The following ACAD11 variants were observed in gnomAD, a reference collection of about 807,000 sequenced individuals.
ACAD11 encodes the protein acyl-Coenzyme A dehydrogenase family, member 11.
In ACAD11, 83 loss-of-function variants were observed where a neutral mutation model predicts 102.2. The ratio of observed to expected loss-of-function variants is 0.81; its 90% confidence interval spans 0.68 to 0.97. ACAD11 has a LOEUF of 0.97. Among genes scored for constraint, ACAD11 ranks in the 50% least tolerant of loss-of-function variants. The pLI, the probability that ACAD11 is intolerant of heterozygous loss-of-function variation, is 0.00. For synonymous variants in ACAD11, 324 were observed against 319.8 expected, an observed-to-expected ratio of 1.01 and a Z score of -0.14; for missense variants, 901 against 951.7, an observed-to-expected ratio of 0.95 and a Z score of 0.70.
chr3:132,568,800 G>GAAAA (rs1937289174), intron 17 of ACAD11, among the ~76,000 whole-genome samples: 1 of 48,068 alleles, frequency 2.1e-5, no homozygotes, highest in African/African-American at 1.1e-4. Context: ...ACATCCACAG[G>GAAAA]CAAAAAAAAA....
At chr3:132,618,115 A>G (rs545042643) in intron 11 of ACAD11, 1 of 152,224 alleles carries the variant, frequency 6.6e-6, no homozygotes, top group South Asian at 2.1e-4. Flanking sequence ...TTTACTTATT[A>G]TAATTATTAT....
rs189622735 is a variant in ACAD11, at chr3:132,653,140, C to A, written c.149+6463G>T. On this transcript the variant is annotated intron_variant, in intron 1 of 19. Coordinates refer to ENST00000264990, the MANE Select transcript of ACAD11 (RefSeq NM_032169.5). Reference sequence around the variant, plus strand: ...ATCTATTCTTGCTTCAAATTCATGACCTCAGCAAACCTCAAAGTGAACCAC... The same window carrying A: ...ATCTATTCTTGCTTCAAATTCATGAACTCAGCAAACCTCAAAGTGAACCAC... Among the ~76,000 whole-genome samples, 221 of 152,258 alleles carry A rather than the reference C, an allele frequency of 1.5e-3. 2 individuals carry two copies. Among genetic ancestry groups the A allele is most frequent in the African/African-American group, 4.7e-3 (194 of 41,546 alleles).
intron 12 of ACAD11, 66 bp downstream of exon 12, chr3:132,605,032 T>A (rs1214294988): frequency 8.1e-7 from 1 of 1,233,550 alleles, no homozygotes; most frequent in Non-Finnish European, 1.2e-6. Flanking sequence ...CTGTATTTCT[T>A]CAGCTCATCC....
chr3:132,568,801 CAAAAAA>C (rs755568917), intron 17 of ACAD11, among the ~76,000 whole-genome samples: 10,745 of 67,656 alleles, frequency 0.16, 404 homozygotes, highest in East Asian at 0.46. Flanking sequence ...CATCCACAGG[CAAAAAA>C]AAAAAAAAAA....
chr3:132,603,458 G>T, intron 12 of ACAD11, 131 bp from the exon 13 acceptor site: 1 of 704,172 alleles, frequency 1.4e-6, no homozygotes, highest in Non-Finnish European at 2.4e-6. Flanking sequence ...ATTCCACCCT[G>T]CTTTTCCCAT....
chr3:132,611,114 A>C (rs144416879), intron 11 of ACAD11, among the ~76,000 whole-genome samples: 2,249 of 152,190 alleles, frequency 0.015, 66 homozygotes, highest in African/African-American at 0.052. Context: ...CAGAACCAAA[A>C]ACAAAAACCA....
intron 7 of ACAD11, among the ~76,000 whole-genome samples, chr3:132,629,639 G>A (rs1939957458): frequency 1.3e-5 from 2 of 152,180 alleles, no homozygotes; most frequent in African/African-American, 2.4e-5. Context: ...AAGATGAGAT[G>A]TAACACAACT....
At chr3:132,585,757 C>A (rs899598988) in intron 13 of ACAD11, among the ~76,000 whole-genome samples, 16 of 152,198 alleles carry the variant, frequency 1.1e-4, no homozygotes, top group Non-Finnish European at 2.1e-4. Flanking sequence ...TCATCACTGG[C>A]TATCAGAGAA....
intron 1 of ACAD11, among the ~76,000 whole-genome samples, chr3:132,650,717 C>T (rs1940897543): frequency 6.6e-6 from 1 of 152,034 alleles, no homozygotes; most frequent in Non-Finnish European, 1.5e-5. Context: ...GTAAGACTGT[C>T]CCTCCCCAGC....
At chr3:132,608,730 C>T (rs1234312682) in intron 11 of ACAD11, among the ~76,000 whole-genome samples, 5 of 152,080 alleles carry the variant, frequency 3.3e-5, no homozygotes, top group East Asian at 1.9e-4. Context: ...TCAGACAGGT[C>T]GACGAGACAG....
At chr3:132,641,557 T>TGAAGAAGAAGAA (rs1347083217) in intron 4 of ACAD11, among the ~76,000 whole-genome samples, 1 of 100,804 alleles carries the variant, frequency 9.9e-6, no homozygotes, top group Non-Finnish European at 1.9e-5. Flanking sequence ...ATGATGATGA[T>TGAAGAAGAAGAA]GATGAAGAAG....
chr3:132,618,701 A>AT lies in ACAD11; in HGVS notation c.1346dup (p.Tyr449Ter). 1 of 1,607,606 alleles carries AT rather than the reference A, an allele frequency of 6.2e-7. No homozygotes were observed. The highest frequency in any genetic ancestry group is 1.1e-5 in the South Asian group (1 of 90,102). Residue 449 changes from tyrosine (Y) to a stop codon, truncating the protein, a stop_gained and frameshift_variant, in exon 11 of 20, where the codon TAT becomes TAAT. Coordinates refer to ENST00000264990, the MANE Select transcript of ACAD11 (RefSeq NM_032169.5). LOFTEE classifies it high-confidence loss of function. ...TTCCTGTTTCTTCAGCAATCAAGGC[A>AT]TAGTCCACGTGGCTGAGTCCGCTGA... ...PAVSGLSHVD[Y>*]ALIAEETGKC... is the part of the protein sequence containing the mutation.
intron 13 of ACAD11, among the ~76,000 whole-genome samples, chr3:132,595,867 G>A (rs569577105): frequency 4.6e-5 from 7 of 151,836 alleles, no homozygotes; most frequent in Non-Finnish European, 8.9e-5. Flanking sequence ...AAACAGTGTG[G>A]CAATTCCTCA....
At chr3:132,612,470 T>G (rs1939200266) in intron 11 of ACAD11, among the ~76,000 whole-genome samples, 1 of 151,998 alleles carries the variant, frequency 6.6e-6, no homozygotes, top group African/African-American at 2.4e-5. Context: ...TATTGCAACC[T>G]ACTCATCTGA....
chr3:132,588,729 C>T (rs1937955058), intron 13 of ACAD11, among the ~76,000 whole-genome samples: 1 of 152,060 alleles, frequency 6.6e-6, no homozygotes, highest in African/African-American at 2.4e-5. Context: ...GAAAAGATCC[C>T]CCATTCACAT....
chr3:132,569,306 G>C (rs543205700), intron 17 of ACAD11, among the ~76,000 whole-genome samples: 7 of 152,198 alleles, frequency 4.6e-5, no homozygotes, highest in Admixed American at 3.3e-4. Flanking sequence ...CCATCAGAAT[G>C]GCTAAAATTA....
chr3:132,581,360 C>T (rs1475073858), intron 13 of ACAD11, among the ~76,000 whole-genome samples: 1 of 152,026 alleles, frequency 6.6e-6, no homozygotes, highest in African/African-American at 2.4e-5. Context: ...TAAGAATATA[C>T]TCGAGCAAAA....
intron 17 of ACAD11, among the ~76,000 whole-genome samples, chr3:132,564,218 A>G (rs1937146307): frequency 6.6e-6 from 1 of 152,104 alleles, no homozygotes. Flanking sequence ...TGGTTTTTGC[A>G]TCTATATTGG....
chr3:132,559,855 G>A lies in ACAD11; in HGVS notation c.2206C>T (p.Gln736Ter), dbSNP rs1936996219. 1.9e-6 allele frequency: 3 copies of A among 1,613,312 alleles called. No individual in the cohort carries two copies. Among genetic ancestry groups the A allele is most frequent in the South Asian group, 2.2e-5 (2 of 90,990 alleles). The change falls in exon 19 of 20, where the codon CAG (glutamine) becomes TAG (stop). Residue 736 changes from glutamine to a stop codon, truncating the protein, a stop_gained. Coordinates refer to ENST00000264990, the MANE Select transcript of ACAD11 (RefSeq NM_032169.5). LOFTEE classifies it high-confidence loss of function. ...IQVCGGAGVS[Q>*]DYPLANMYAI... ...CACATGTTAGCCAGAGGGTAATCCT[G>A]GGAAACACCAGCACCTCCGCACACC...
Sources: allele counts gnomAD v4.1 joint callset (sites outside exome capture counted in the v4.1 genomes callset), GRCh38; gene constraint gnomAD v4.1.1; transcripts MANE v1.5; gene names NCBI Gene and HGNC (gene_info 2026-07-23, HGNC 2026-07-21).